PUM1: variants seen among roughly 807,000 people sequenced by gnomAD.
The protein encoded by PUM1 is pumilio homolog 1.
In PUM1, 13 loss-of-function variants were observed where a neutral mutation model predicts 131.8. The ratio of observed to expected loss-of-function variants is 0.10; its 90% CI spans 0.06 to 0.16. The LOEUF (loss-of-function observed/expected upper bound fraction) is 0.16. PUM1 is among the 10% of genes least tolerant of loss of function. The pLI is 1.00. For synonymous variants in PUM1, 509 were observed against 556.5 expected (o/e 0.91, Z 1.20); for missense variants, 961 against 1,512.4 (o/e 0.64, Z 6.05).
chr1:31,018,621 G>A (rs533912753), intron 3 of PUM1, among the ~76,000 whole-genome samples: 1 of 152,162 alleles, frequency 6.6e-6, no homozygotes, highest in African/African-American at 2.4e-5. Flanking sequence ...TCATGGCACC[G>A]TAATCCAGCC....
At chr1:30,980,784 C>T (rs1441400530) in intron 8 of PUM1, among the ~76,000 whole-genome samples, 4 of 151,980 alleles carry the variant, frequency 2.6e-5, no homozygotes, top group Admixed American at 2.0e-4. Flanking sequence ...TAAGAAGGTC[C>T]AGGGGGAAGA....
At chr1:31,020,751 T>C (rs368382390) in intron 3 of PUM1, among the ~76,000 whole-genome samples, 1 of 152,312 alleles carries the variant, frequency 6.6e-6, no homozygotes, top group African/African-American at 2.4e-5. Flanking sequence ...TCCTTCATTA[T>C]AGGAAACAAA....
chr1:31,018,448 G>A (rs1271856473), intron 3 of PUM1, among the ~76,000 whole-genome samples: 3 of 152,282 alleles, frequency 2.0e-5, no homozygotes, highest in African/African-American at 7.2e-5. Flanking sequence ...CTGAGGTCAG[G>A]AGTTCGAGAC....
At chr1:30,960,767 A>G (rs938167732) in intron 14 of PUM1, among the ~76,000 whole-genome samples, 1 of 152,140 alleles carries the variant, frequency 6.6e-6, no homozygotes, top group Non-Finnish European at 1.5e-5. Context: ...AAAAAGATGA[A>G]CCCTGACCTG....
intron 10 of PUM1, among the ~76,000 whole-genome samples, chr1:30,969,455 A>G (rs886102158): frequency 2.0e-5 from 3 of 152,120 alleles, no homozygotes; most frequent in African/African-American, 7.2e-5. Context: ...TGGAATGAGA[A>G]TATTTCCTCT....
At chr1:31,017,520 T>C (rs1642860191) in intron 3 of PUM1, among the ~76,000 whole-genome samples, 1 of 151,784 alleles carries the variant, frequency 6.6e-6, no homozygotes, top group Admixed American at 6.6e-5. Flanking sequence ...GCGATTTTTT[T>C]CTTCTTTTTT....
intron 2 of PUM1, chr1:31,050,821 A>C (rs1644090459): frequency 1.1e-5 from 2 of 179,156 alleles, no homozygotes; most frequent in African/African-American, 4.7e-5. Context: ...ACAAGGTATA[A>C]AAATTAACTG....
intron 10 of PUM1, among the ~76,000 whole-genome samples, chr1:30,973,855 C>T (rs1424624314): frequency 1.3e-5 from 2 of 151,608 alleles, no homozygotes; most frequent in Non-Finnish European, 2.9e-5. Context: ...TTTGGGAGGC[C>T]GAGGCGGGTG....
intron 2 of PUM1, among the ~76,000 whole-genome samples, chr1:31,053,436 C>T (rs1348200798): frequency 1.3e-5 from 2 of 150,686 alleles, no homozygotes; most frequent in Admixed American, 6.6e-5. Context: ...CTCTGCCGGG[C>T]GCAGTGGCTC....
At position 30,967,315 on chromosome 1, in the gene PUM1, G is replaced by A. The variant is rs1557559498; in HGVS notation, c.1646-5C>T. 6.2e-7 allele frequency: 1 copy of A among 1,611,020 alleles called. No individual in the cohort carries two copies. The highest frequency in any genetic ancestry group is 1.3e-5 in the African/African-American group (1 of 74,796). The stretch of plus-strand genomic sequence containing the variant: ...CAGGAGCCAACACCGGATAACCTAG[G>A]AATATCAAGCCAACAAAGAAATGTA... On this transcript the variant is annotated splice_polypyrimidine_tract_variant and splice_region_variant and intron_variant, in intron 11 of 21. Transcript: ENST00000426105.
chr1:31,007,954 C>A (rs1351411896), intron 3 of PUM1, among the ~76,000 whole-genome samples: 2 of 152,194 alleles, frequency 1.3e-5, no homozygotes, highest in Non-Finnish European at 2.9e-5. Flanking sequence ...TGGTTCTGGT[C>A]ATCAGCTTTA....
intron 1 of PUM1, among the ~76,000 whole-genome samples, chr1:31,062,634 A>G (rs2124029778): frequency 6.6e-6 from 1 of 151,926 alleles, no homozygotes; most frequent in South Asian, 2.1e-4. Flanking sequence ...AAAAAAAAAA[A>G]AAGCTACAAA....
intron 2 of PUM1, among the ~76,000 whole-genome samples, chr1:31,049,035 G>A (rs1010311690): frequency 1.4e-4 from 21 of 151,584 alleles, no homozygotes; most frequent in African/African-American, 4.4e-4. Flanking sequence ...GCAAAACCCC[G>A]TCTCTACTAA....
chr1:31,064,579 G>C (rs979381668), intron 1 of PUM1, among the ~76,000 whole-genome samples: 1 of 152,038 alleles, frequency 6.6e-6, no homozygotes, highest in Non-Finnish European at 1.5e-5. Flanking sequence ...ACAGAACCCA[G>C]GAAAAGCTTC....
rs1553152524 is a variant in PUM1, at chr1:31,038,214, A to AG, written c.364-9351_364-9350insC. The stretch of plus-strand genomic sequence containing the variant: ...TTAAAGCTAAAGGTTAAAAAAAAAA[A>AG]AGAGAGAGAGAAATATGTTCAGAGG... On this transcript the variant is annotated intron_variant, in intron 2 of 21. Transcript: ENST00000426105. 2.6e-3 allele frequency among the ~76,000 whole-genome samples: 392 copies of AG among 152,128 alleles called. 2 individuals carry two copies. The highest frequency in any genetic ancestry group is 0.025 in the East Asian group (131 of 5,190).
intron 14 of PUM1, among the ~76,000 whole-genome samples, chr1:30,956,196 ATTTT>A (rs529722603): frequency 6.6e-6 from 1 of 152,136 alleles, no homozygotes; most frequent in South Asian, 2.1e-4. Context: ...ATGAAAAGTG[ATTTT>A]TTTAAGGAAG....
chr1:31,017,166 T>C (rs920783674), intron 3 of PUM1, among the ~76,000 whole-genome samples: 2 of 152,120 alleles, frequency 1.3e-5, no homozygotes, highest in African/African-American at 4.8e-5. Flanking sequence ...TTAGCCACTA[T>C]TGGAAAAAAC....
intron 2 of PUM1, among the ~76,000 whole-genome samples, chr1:31,050,532 T>C (rs566913989): frequency 1.3e-5 from 2 of 152,268 alleles, no homozygotes; most frequent in East Asian, 3.9e-4. Flanking sequence ...ACCAAGCACA[T>C]AATGTTAAGC....
chr1:30,936,461 G>A (rs1017337003), intron 21 of PUM1, among the ~76,000 whole-genome samples, 182 bp downstream of exon 21: 21 of 152,194 alleles, frequency 1.4e-4, no homozygotes, highest in Non-Finnish European at 1.5e-5. Context: ...ATTGATAAGG[G>A]AGGGTTGGCA....
Sources: allele counts gnomAD v4.1 joint callset (sites outside exome capture counted in the v4.1 genomes callset), GRCh38; gene constraint gnomAD v4.1.1; transcripts MANE v1.5; gene names NCBI Gene and HGNC (gene_info 2026-07-23, HGNC 2026-07-21).